Variants in RAB37 observed in about 807,000 individuals in gnomAD.
RAB37 encodes ras-related protein Rab-37.
A neutral mutation model predicts 33.1 loss-of-function variants in RAB37; 29 were observed. The observed-to-expected ratio is 0.88, with a 90% CI of 0.65 to 1.20. The LOEUF is 1.20. RAB37 is among the 50% of genes most tolerant of loss of function. The probability of loss-of-function intolerance (pLI) is 0.00; values close to 1 mark genes in which losing one functional copy is unlikely to be tolerated. For missense variants in RAB37, 299 were observed against 301.1 expected (o/e 0.99, Z 0.05); for synonymous variants, 128 against 119.5 (o/e 1.07, Z -0.47).
At position 74,729,288 on chromosome 17, in the gene RAB37, G is replaced by A. The variant is rs140298228; in HGVS notation, c.105G>A (p.Lys35=). Residue 35 remains lysine (K), a synonymous_variant, in exon 2 of 8, where the codon AAG becomes AAA. Transcript: ENST00000340415. This position sits in a 1 kb window ranked among gnomAD's most constrained non-coding sequence, Gnocchi z 4.2. ...TGGTGGGTGACAGTGGTGTGGGAAA[G>A]ACGTCTCTGCTGGTTCAGTTCGATC... 5.0e-5 allele frequency: 80 copies of A among 1,614,088 alleles called. No individual in the cohort carries two copies. In the African/African-American group the frequency reaches 1.0e-3, roughly 20 times the overall value.
chr17:74,743,023 C>T, intron 3 of RAB37, 106 bp from the exon 4 acceptor site: 1 of 980,762 alleles, frequency 1.0e-6, no homozygotes, highest in South Asian at 1.5e-5. Flanking sequence ...AGAAAACAGC[C>T]CCACCTTCCC....
At chr17:74,702,869 C>T (rs2033181463) in intron 1 of RAB37, among the ~76,000 whole-genome samples, 2 of 152,224 alleles carry the variant, frequency 1.3e-5, no homozygotes, top group Non-Finnish European at 2.9e-5. Context: ...ACTGAAAGGA[C>T]ACCATGTGGC....
intron 1 of RAB37, among the ~76,000 whole-genome samples, chr17:74,693,122 C>T (rs2032196947): frequency 6.6e-6 from 1 of 152,172 alleles, no homozygotes; most frequent in African/African-American, 2.4e-5. Context: ...CCACTGCCCC[C>T]TAAGTGGCCA....
chr17:74,723,064 C>G (rs2034261864), intron 1 of RAB37, among the ~76,000 whole-genome samples: 1 of 152,186 alleles, frequency 6.6e-6, no homozygotes. Context: ...TATCAAGGGT[C>G]GATACAACAG....
chr17:74,740,935 T>TG (rs1244038796), intron 2 of RAB37, 57 bp downstream of exon 2: 46 of 1,329,130 alleles, frequency 3.5e-5, no homozygotes, highest in African/African-American at 1.7e-4. Flanking sequence ...GGCTCAGGCA[T>TG]GGGGGGGTTG....
chr17:74,746,092 G>A lies in RAB37; in HGVS notation c.*681G>A, dbSNP rs1181811340. ...GCACACAAGCACATTGGGGCACCTGGAAATATTGGTTCCAGGCTCCTGTTC... is the reference window on the plus strand; with the variant it reads ...GCACACAAGCACATTGGGGCACCTGAAAATATTGGTTCCAGGCTCCTGTTC... On this transcript the variant is annotated 3_prime_UTR_variant, in exon 9 of 9. Coordinates refer to ENST00000392613, the MANE Select transcript of RAB37 (RefSeq NM_001006638.3). This position sits in a 1 kb window ranked among gnomAD's most constrained non-coding sequence, Gnocchi z 5.2. 6.6e-6 allele frequency: 1 copy of A among 152,244 alleles called. No homozygotes were observed. Among genetic ancestry groups the A allele is most frequent in the East Asian group, 1.9e-4 (1 of 5,194 alleles). 9.4% of individuals were successfully genotyped at this position (152,244 alleles called of 1,614,324 possible).
chr17:74,677,252 TATTAATCCTAGGGAA>T (rs1404792052), intron 1 of RAB37: 9 of 152,214 alleles, frequency 5.9e-5, no homozygotes, highest in Admixed American at 5.9e-4. Flanking sequence ...GACTGTCACC[TATTAATCCTAGGGAA>T]AGGTCTGGAT....
intron 1 of RAB37, among the ~76,000 whole-genome samples, chr17:74,681,788 G>C (rs2031960513): frequency 6.6e-6 from 1 of 152,074 alleles, no homozygotes; most frequent in Non-Finnish European, 1.5e-5. Context: ...GTTCACCACT[G>C]GTTCCATCCA....
chr17:74,743,024 C>T, intron 3 of RAB37, 105 bp from the exon 4 acceptor site: 1 of 994,940 alleles, frequency 1.0e-6, no homozygotes, highest in Non-Finnish European at 1.5e-6. Context: ...GAAAACAGCC[C>T]CACCTTCCCA....
chr17:74,674,101 G>A (rs1375573792), intron 1 of RAB37, among the ~76,000 whole-genome samples: 1 of 152,008 alleles, frequency 6.6e-6, no homozygotes, highest in Non-Finnish European at 1.5e-5. Context: ...TTTTGAAGTG[G>A]GGTCTCAGTC....
chr17:74,687,979 CCTTT>C (rs1451625546), intron 1 of RAB37, among the ~76,000 whole-genome samples: 1 of 152,200 alleles, frequency 6.6e-6, no homozygotes, highest in Non-Finnish European at 1.5e-5. Context: ...GCTCAAAGCT[CCTTT>C]CTTTTATGAA....
At chr17:74,674,781 A>G (rs1041972114) in intron 1 of RAB37, among the ~76,000 whole-genome samples, 5 of 152,236 alleles carry the variant, frequency 3.3e-5, no homozygotes, top group Non-Finnish European at 7.3e-5. Flanking sequence ...ATCACTATCA[A>G]GAGAAAGAAA....
rs530266675 is a variant in RAB37 at position 74,691,927 on chromosome 17, G to A, written c.72+20269G>A. On this transcript the variant is annotated intron_variant, in intron 1 of 7. Coordinates refer to the RAB37 transcript ENST00000340415. ...GTCACCCAGGCTGGAGTGCAGTGGCGCGATCTCAGCTCACTGCAAGCTCCG... is the reference window on the plus strand; with the variant it reads ...GTCACCCAGGCTGGAGTGCAGTGGCACGATCTCAGCTCACTGCAAGCTCCG... Among the ~76,000 whole-genome samples, 615 of 149,720 alleles carry A rather than the reference G, an allele frequency of 4.1e-3. 5 individuals carry two copies. Among genetic ancestry groups the A allele is most frequent in the Middle Eastern group, 0.014 (4 of 292 alleles).
At chr17:74,743,558 C>G (rs1164496608) in intron 5 of RAB37, among the ~76,000 whole-genome samples, 1 of 152,224 alleles carries the variant, frequency 6.6e-6, no homozygotes, top group Non-Finnish European at 1.5e-5. Flanking sequence ...CCTGTGCCAC[C>G]TGCATAGCCC....
intron 1 of RAB37, among the ~76,000 whole-genome samples, chr17:74,679,154 T>C (rs528462856): frequency 2.0e-5 from 3 of 151,964 alleles, no homozygotes; most frequent in East Asian, 3.9e-4. Context: ...CCTCCTCTTC[T>C]TCCTCCCTCG....
intron 1 of RAB37, among the ~76,000 whole-genome samples, chr17:74,681,386 A>T (rs2031952212): frequency 1.3e-5 from 2 of 152,244 alleles, no homozygotes; most frequent in South Asian, 4.1e-4. Context: ...GATCCCTTCA[A>T]GCCCATGTCC....
At chr17:74,728,088 TTCTG>T (rs2034328427) in intron 1 of RAB37, among the ~76,000 whole-genome samples, 1 of 151,998 alleles carries the variant, frequency 6.6e-6, no homozygotes, top group Non-Finnish European at 1.5e-5. Context: ...GTTTCTGAGT[TTCTG>T]TGTGTGTGCA....
chr17:74,728,554 CTA>C (rs1043806255), intron 1 of RAB37, among the ~76,000 whole-genome samples: 14 of 150,432 alleles, frequency 9.3e-5, no homozygotes, highest in African/African-American at 2.5e-4. Flanking sequence ...GTGTGTGTGC[CTA>C]TGTTTCTGCA....
chr17:74,687,168 AC>A (rs1374892795), intron 1 of RAB37, among the ~76,000 whole-genome samples: 4 of 151,514 alleles, frequency 2.6e-5, no homozygotes, highest in African/African-American at 9.7e-5. Context: ...TGAGTCAGTC[AC>A]CTTTTCTTTT....
Sources: allele counts gnomAD v4.1 joint callset (sites outside exome capture counted in the v4.1 genomes callset), GRCh38; gene constraint gnomAD v4.1.1; non-coding constraint Gnocchi (gnomAD v3.1); transcripts MANE v1.5; gene names NCBI Gene and HGNC (gene_info 2026-07-23, HGNC 2026-07-21).